The following SCIMP variants were observed in gnomAD, a reference collection of about 807,000 sequenced individuals.
SCIMP encodes SLP adapter and CSK-interacting membrane protein.
SCIMP carries 18 observed loss-of-function variants against 22.0 expected under a neutral mutation model. The ratio of observed to expected loss-of-function variants is 0.82; its 90% confidence interval spans 0.56 to 1.21. SCIMP has a LOEUF of 1.21. SCIMP is among the 50% of genes most tolerant of loss of function. The pLI is 0.00. For synonymous variants in SCIMP, 53 were observed against 62.2 expected (o/e 0.85, Z 0.70); for missense variants, 155 against 171.2 (o/e 0.91, Z 0.53).
chr17:5,210,999 T>A, intron 4 of SCIMP, 44 bp from the exon 5 acceptor site: 1 of 1,564,322 alleles, frequency 6.4e-7, no homozygotes, highest in Non-Finnish European at 8.6e-7. Context: ...CTGTCATGTG[T>A]TTTTATATTT....
intron 3 of SCIMP, among the ~76,000 whole-genome samples, chr17:5,218,037 T>G (rs1462434608): frequency 1.3e-5 from 2 of 152,134 alleles, no homozygotes; most frequent in Admixed American, 1.3e-4. Context: ...CAACATTTTT[T>G]TTTTTTGAGA....
intron 3 of SCIMP, among the ~76,000 whole-genome samples, chr17:5,219,628 GTAAA>G (rs988289293): frequency 8.6e-5 from 13 of 151,946 alleles, no homozygotes; most frequent in African/African-American, 2.9e-4. Context: ...ACTCCATCTC[GTAAA>G]TAAATAAATA....
At chr17:5,234,100 G>A (rs1333794789) in intron 1 of SCIMP, among the ~76,000 whole-genome samples, 2 of 151,990 alleles carry the variant, frequency 1.3e-5, no homozygotes, top group Admixed American at 6.6e-5. Flanking sequence ...GTGAAACTCC[G>A]TCTCTACTAA....
At chr17:5,230,407 G>A (rs2074684797) in intron 1 of SCIMP, among the ~76,000 whole-genome samples, 1 of 152,222 alleles carries the variant, frequency 6.6e-6, no homozygotes, top group Non-Finnish European at 1.5e-5. Flanking sequence ...TAGGAATGAA[G>A]TTTGCTGGTA....
chr17:5,225,401 G>A (rs2074639782), intron 1 of SCIMP, among the ~76,000 whole-genome samples: 1 of 151,946 alleles, frequency 6.6e-6, no homozygotes, highest in South Asian at 2.1e-4. Flanking sequence ...GGAAGCAGAG[G>A]TGGCAGTAAG....
chr17:5,221,209 A>T, intron 3 of SCIMP, 78 bp downstream of exon 3: 1 of 1,009,242 alleles, frequency 9.9e-7, no homozygotes, highest in Non-Finnish European at 1.6e-6. Flanking sequence ...TCATACTGGT[A>T]CGGTAGTGGA....
At chr17:5,211,847 C>T (rs534369699) in intron 4 of SCIMP, among the ~76,000 whole-genome samples, 7 of 151,818 alleles carry the variant, frequency 4.6e-5, no homozygotes, top group East Asian at 3.9e-4. Flanking sequence ...CACCTGAGGT[C>T]GGGAGTTCGA....
intron 1 of SCIMP, among the ~76,000 whole-genome samples, chr17:5,231,705 G>A (rs1423094504): frequency 6.6e-6 from 1 of 152,128 alleles, no homozygotes; most frequent in East Asian, 1.9e-4. Flanking sequence ...TTTGAGACCT[G>A]TTTTCCCATC....
At chr17:5,221,491 G>A in intron 2 of SCIMP, 141 bp from the exon 3 acceptor site, 1 of 673,850 alleles carries the variant, frequency 1.5e-6, no homozygotes. Flanking sequence ...TAACCACAGA[G>A]CCTCTGCACT....
intron 1 of SCIMP, among the ~76,000 whole-genome samples, chr17:5,226,038 G>A (rs963557270): frequency 2.0e-5 from 3 of 152,162 alleles, no homozygotes; most frequent in Non-Finnish European, 4.4e-5. Context: ...GTTGGTGATT[G>A]TTGTGCTGGT....
chr17:5,221,277 C>G lies in SCIMP; in HGVS notation c.209+10G>C. On this transcript the variant is annotated intron_variant, in intron 3 of 4. Coordinates refer to ENST00000574081, the MANE Select transcript of SCIMP (RefSeq NM_207103.3). The stretch of plus-strand genomic sequence containing the variant: ...AACAGTAAAAAGCGGAAGGATTCCC[C>G]CCTACTTACTCATACATCTTTTCTT... The G allele has an allele frequency of 6.2e-7, 1 of 1,604,582 alleles. No individual in the cohort carries two copies. The highest frequency in any genetic ancestry group is 1.7e-5 in the Admixed American group (1 of 59,992).
chr17:5,232,258 C>G (rs920771865), intron 1 of SCIMP, among the ~76,000 whole-genome samples: 2 of 150,960 alleles, frequency 1.3e-5, no homozygotes, highest in Non-Finnish European at 3.0e-5. Flanking sequence ...GGTGGTCCCC[C>G]GCTGAGTCTT....
At chr17:5,233,612 C>T (rs1178217612) in intron 1 of SCIMP, among the ~76,000 whole-genome samples, 1 of 152,130 alleles carries the variant, frequency 6.6e-6, no homozygotes, top group Non-Finnish European at 1.5e-5. Context: ...ACCTTGTGAT[C>T]TGCCCACCTT....
intron 2 of SCIMP, among the ~76,000 whole-genome samples, chr17:5,222,572 A>C (rs1000750221): frequency 3.9e-5 from 6 of 152,216 alleles, no homozygotes; most frequent in African/African-American, 1.4e-4. Flanking sequence ...AGGTAATACC[A>C]GAAAATTCAG....
At chr17:5,230,148 C>T (rs2074682986) in intron 1 of SCIMP, among the ~76,000 whole-genome samples, 1 of 152,106 alleles carries the variant, frequency 6.6e-6, no homozygotes, top group African/African-American at 2.4e-5. Context: ...GTTTCCTGTT[C>T]CCACTTAGCT....
chr17:5,221,399 G>A, intron 2 of SCIMP, 49 bp from the exon 3 acceptor site: 1 of 1,435,930 alleles, frequency 7.0e-7, no homozygotes, highest in South Asian at 1.1e-5. Context: ...CAAAAGTTGT[G>A]ATTTTTTAAT....
chr17:5,224,143 T>C (rs535492294), intron 1 of SCIMP, among the ~76,000 whole-genome samples: 1 of 152,118 alleles, frequency 6.6e-6, no homozygotes, highest in African/African-American at 2.4e-5. Context: ...GCAGGGTTGT[T>C]TTTTTTCTTG....
chr17:5,225,693 C>G (rs370433737), intron 1 of SCIMP, among the ~76,000 whole-genome samples: 22 of 150,890 alleles, frequency 1.5e-4, no homozygotes, highest in African/African-American at 4.9e-4. Flanking sequence ...ACCTGGGAGT[C>G]AGAGGTTGCG....
rs1478501631 is a variant in SCIMP at position 5,229,464 on chromosome 17, G to A, written c.21+5271C>T. On this transcript the variant is annotated intron_variant, in intron 1 of 4. Coordinates refer to ENST00000574081, the MANE Select transcript of SCIMP (RefSeq NM_207103.3). Reference sequence around the variant, plus strand: ...GCTGGAGTGCAGTGGCGCGACCTTGGCTCACTGCAACCTCCATCTCCCCGG... The same window carrying A: ...GCTGGAGTGCAGTGGCGCGACCTTGACTCACTGCAACCTCCATCTCCCCGG... Among the ~76,000 whole-genome samples the A allele has an allele frequency of 3.5e-5, 5 of 141,092 alleles. No individual in the cohort carries two copies. In the Admixed American group the frequency reaches 3.9e-4, roughly 11 times the overall value. 92.6% of individuals were successfully genotyped at this position (141,092 alleles called of 152,430 possible).
Sources: gnomAD v4.1 joint callset for allele counts (sites outside exome capture counted in the v4.1 genomes callset) on GRCh38, gnomAD v4.1.1 for gene constraint, MANE v1.5 for transcripts, NCBI Gene and HGNC (gene_info 2026-07-23, HGNC 2026-07-21) for gene names.